Variants in LY75 observed in about 807,000 individuals in gnomAD.
LY75 encodes lymphocyte antigen 75.
LY75 carries 185 observed loss-of-function variants against 231.7 expected under a neutral mutation model. The observed-to-expected ratio is 0.80, with a 90% CI of 0.71 to 0.90. LY75 has a LOEUF of 0.90. Ranked by LOEUF, LY75 falls within the 40% of genes least tolerant of loss-of-function variation. LY75 has a pLI of 0.00. For missense variants in LY75, 1,947 were observed against 2,050.2 expected (o/e 0.95, Z 0.97); for synonymous variants, 668 against 689.0 (o/e 0.97, Z 0.48).
At chr2:159,864,761 T>C in intron 14 of LY75, 78 bp downstream of exon 14, 1 of 1,347,314 alleles carries the variant, frequency 7.4e-7, no homozygotes, top group South Asian at 1.7e-5. Flanking sequence ...TAGGTGTCAA[T>C]GTATTATTTA....
In LY75 at chr2:159,890,371, C is replaced by T. The variant is rs1685712125; in HGVS notation, c.644G>A (p.Gly215Asp). Residue 215 changes from glycine to aspartate, a missense_variant, in exon 4 of 35, where the codon GGT becomes GAT. Coordinates refer to ENST00000263636, the MANE Select transcript of LY75 (RefSeq NM_002349.4). Reference sequence around the variant, plus strand: ...GTTCTTTTCCCAATTATCTTCACAACCGTTTTCTGTTGATAAAGACACGTT... The same window carrying T: ...GTTCTTTTCCCAATTATCTTCACAATCGTTTTCTGTTGATAAAGACACGTT... ...KWGICLKPEN[G>D]CEDNWEKNEQ... 3.1e-6 allele frequency: 5 copies of T among 1,612,984 alleles called. No individual in the cohort carries two copies. The highest frequency in any genetic ancestry group is 1.7e-4 in the Middle Eastern group (1 of 6,046).
At chr2:159,900,631 C>T (rs988827880) in intron 1 of LY75, among the ~76,000 whole-genome samples, 1 of 152,128 alleles carries the variant, frequency 6.6e-6, no homozygotes, top group African/African-American at 2.4e-5. Flanking sequence ...GGGAATTTTA[C>T]CATGTAAATA....
chr2:159,837,249 T>C (rs1396309152), intron 25 of LY75, among the ~76,000 whole-genome samples: 1 of 152,188 alleles, frequency 6.6e-6, no homozygotes, highest in Non-Finnish European at 1.5e-5. Flanking sequence ...TAGATGTCCA[T>C]CAGCAGTGGA....
intron 20 of LY75, 70 bp from the exon 21 acceptor site, chr2:159,852,410 G>GT: frequency 1.4e-6 from 2 of 1,447,750 alleles, no homozygotes; most frequent in African/African-American, 4.8e-5. Context: ...TTTGTTTTGT[G>GT]TGTTTTTTTT....
At chr2:159,898,095 T>C (rs1294070011) in intron 2 of LY75, among the ~76,000 whole-genome samples, 2 of 152,078 alleles carry the variant, frequency 1.3e-5, no homozygotes, top group African/African-American at 4.8e-5. Flanking sequence ...ATATTTTTCC[T>C]CCTTCTCCTT....
chr2:159,842,307 C>T lies in LY75; in HGVS notation c.3218G>A (p.Gly1073Glu). ...ACTGCAGGATGTAAAATTCCACGTC[C>T]CAGTAAACGGTGATTTTTGGAGGTT... ...ILNLQKSPFTGTWNFTSCSER... is the reference protein window; with the variant it reads ...ILNLQKSPFTETWNFTSCSER... The change falls in exon 24 of 35, where the codon GGG becomes GAG. Residue 1073 changes from glycine (G) to glutamate (E), a missense_variant. Coordinates refer to ENST00000263636, the MANE Select transcript of LY75 (RefSeq NM_002349.4). The T allele has an allele frequency of 1.9e-6, 3 of 1,612,652 alleles. No individual in the cohort carries two copies. Among genetic ancestry groups the T allele is most frequent in the Non-Finnish European group, 1.7e-6 (2 of 1,179,144 alleles).
chr2:159,876,166 ACAGT>A (rs1394174429), intron 11 of LY75, among the ~76,000 whole-genome samples: 1 of 152,182 alleles, frequency 6.6e-6, no homozygotes, highest in East Asian at 1.9e-4. Context: ...TAATTTTATG[ACAGT>A]CATAATTTTA....
intron 12 of LY75, among the ~76,000 whole-genome samples, chr2:159,874,481 A>AATATATACATATTTTGTAAATCTATATG (rs1685150223): frequency 1.9e-5 from 2 of 103,482 alleles, no homozygotes; most frequent in Non-Finnish European, 4.0e-5. Flanking sequence ...AAATCTATAT[A>AATATATACATATTTTGTAAATCTATATG]AATATGTACA....
At chr2:159,819,302 T>G (rs1435880083) in intron 29 of LY75, among the ~76,000 whole-genome samples, 1 of 152,252 alleles carries the variant, frequency 6.6e-6, no homozygotes, top group Non-Finnish European at 1.5e-5. Context: ...ACATTCACTT[T>G]GCACGGAATG....
chr2:159,889,957 C>A (rs918653130), intron 4 of LY75, among the ~76,000 whole-genome samples: 4 of 152,126 alleles, frequency 2.6e-5, no homozygotes. Flanking sequence ...ATTAGGGTAG[C>A]AGTTTAATCT....
intron 25 of LY75, among the ~76,000 whole-genome samples, chr2:159,837,295 C>T (rs1486549031): frequency 6.6e-6 from 1 of 152,194 alleles, no homozygotes; most frequent in African/African-American, 2.4e-5. Context: ...TACATGATGG[C>T]ATACTGTGCA....
chr2:159,844,739 A>T (rs1684150355), intron 23 of LY75, among the ~76,000 whole-genome samples: 1 of 151,928 alleles, frequency 6.6e-6, no homozygotes, highest in African/African-American at 2.4e-5. Flanking sequence ...ACAAATTCAA[A>T]CAATAGCTTC....
chr2:159,836,370 GCTT>G (rs1299421365), intron 25 of LY75, among the ~76,000 whole-genome samples: 1 of 152,176 alleles, frequency 6.6e-6, no homozygotes, highest in African/African-American at 2.4e-5. Context: ...GGGGAGAGAA[GCTT>G]CTTCATTCAC....
At position 159,853,276 on chromosome 2, in the gene LY75, T is replaced by C; in HGVS notation, c.2740A>G (p.Ile914Val). ...CLYMSAKTWL[I>V]DLGKPTDCST... is the part of the protein sequence containing the mutation. Reference sequence around the variant, plus strand: ...AAGGATTTAGAATTAACTTTACCGATAAGCCAAGTCTTGGCAGACATGTAC... The same window carrying C: ...AAGGATTTAGAATTAACTTTACCGACAAGCCAAGTCTTGGCAGACATGTAC... Residue 914 changes from isoleucine (I) to valine (V), a missense_variant, in exon 20 of 35, where the codon ATC becomes GTC. Ile to Val is a conservative substitution (Grantham distance 29). Transcript: ENST00000263636. 1.2e-6 allele frequency: 2 copies of C among 1,611,516 alleles called. No individual in the cohort carries two copies. The highest frequency in any genetic ancestry group is 1.3e-5 in the African/African-American group (1 of 75,024).
chr2:159,808,560 T>A lies in LY75; in HGVS notation c.4711A>T (p.Thr1571Ser), dbSNP rs759427960. The change falls in exon 33 of 35, where the codon ACT (threonine) becomes TCT (serine). Residue 1571 changes from threonine to serine, a missense_variant. Coordinates refer to ENST00000263636, the MANE Select transcript of LY75 (RefSeq NM_002349.4). ...KLCSKHDHSA[T>S]IVSIKDEDEN... is the part of the protein sequence containing the mutation. ...TCTTCATCTTTTATGGAAACGATAG[T>A]TGCAGAGTGATCTGTTGAAAGAAAA... The A allele has an allele frequency of 6.2e-7, 1 of 1,613,380 alleles. No individual in the cohort carries two copies. Among genetic ancestry groups the A allele is most frequent in the Non-Finnish European group, 8.5e-7 (1 of 1,179,928 alleles).
intron 14 of LY75, among the ~76,000 whole-genome samples, chr2:159,864,233 T>C (rs1369380297): frequency 6.6e-6 from 1 of 152,198 alleles, no homozygotes; most frequent in Non-Finnish European, 1.5e-5. Context: ...GCAGAAGCTT[T>C]TTAGTCTGAT....
intron 34 of LY75, among the ~76,000 whole-genome samples, chr2:159,806,285 A>G (rs1349144226): frequency 6.6e-6 from 1 of 152,198 alleles, no homozygotes. Context: ...AAAACAGGGC[A>G]TGGCATATAG....
intron 23 of LY75, among the ~76,000 whole-genome samples, chr2:159,844,687 T>A (rs7573748): frequency 2.0e-5 from 3 of 151,174 alleles, no homozygotes; most frequent in African/African-American, 7.3e-5. Context: ...GAGAAAGAGC[T>A]TTTAGTGAGA....
rs1303660513 is a variant in LY75, at chr2:159,815,513, C to T, written c.4441G>A (p.Gly1481Ser). Residue 1481 changes from glycine (G) to serine (S), a missense_variant, in exon 31 of 35, where the codon GGC (glycine) becomes AGC (serine). By Grantham distance (56) the Gly-to-Ser change is moderately conservative. Coordinates refer to ENST00000263636, the MANE Select transcript of LY75 (RefSeq NM_002349.4). ...GSTFDYIPWK[G>S]QTSPGNCVLL... Reference sequence around the variant, plus strand: ...ACACAATTTCCAGGAGATGTTTGGCCTTTCCATGGGATATAGTCAAATGTA... The same window carrying T: ...ACACAATTTCCAGGAGATGTTTGGCTTTTCCATGGGATATAGTCAAATGTA... 6.2e-7 allele frequency: 1 copy of T among 1,613,820 alleles called. No individual in the cohort carries two copies. The highest frequency in any genetic ancestry group is 1.1e-5 in the South Asian group (1 of 91,052).
Sources: allele counts gnomAD v4.1 joint callset (sites outside exome capture counted in the v4.1 genomes callset), GRCh38; gene constraint gnomAD v4.1.1; transcripts MANE v1.5; gene names NCBI Gene and HGNC (gene_info 2026-07-23, HGNC 2026-07-21).